TNNT1: variants seen among roughly 807,000 people sequenced by gnomAD.
TNNT1 encodes the protein troponin T1, slow skeletal type.
In TNNT1, 53 loss-of-function variants were observed where a neutral mutation model predicts 50.6. That is an observed-to-expected ratio of 1.05 (90% CI 0.84 to 1.32). The LOEUF (loss-of-function observed/expected upper bound fraction) is 1.32. Among genes scored for constraint, TNNT1 ranks in the 40% most tolerant of loss-of-function variants. The pLI, the probability that TNNT1 is intolerant of heterozygous loss-of-function variation, is 0.00. For synonymous variants in TNNT1, 142 were observed against 138.0 expected, an observed-to-expected ratio of 1.03 and a Z score of -0.20; for missense variants, 348 against 381.7, an observed-to-expected ratio of 0.91 and a Z score of 0.74.
chr19:55,133,971 TGGGGAC>T lies in TNNT1; in HGVS notation c.751-50_751-45del, dbSNP rs778983809. ...GATGCTGGGACAGCCGGTGGGGACG[TGGGGAC>T]GGGCCACCCACCCCTGCCTGGAGTT... On this transcript the variant is annotated intron_variant, in intron 12 of 13. Transcript: ENST00000588981. The T allele has an allele frequency of 3.5e-5, 56 of 1,579,596 alleles. No homozygotes were observed. The African/African-American group carries it at 7.5e-4, about 21-fold the overall frequency.
Position 55,132,738 on chromosome 19 carries a change from A to G in TNNT1, c.*177T>C. On this transcript the variant is annotated 3_prime_UTR_variant, in exon 14 of 14. Transcript: ENST00000588981. ...CCGTACTTTAATGATTATTGGTGAC[A>G]CTCTTTCAAGTAACTTGTTGGTAAT... is the stretch of plus-strand genomic sequence containing the variant. 1 of 659,708 alleles carries G rather than the reference A, an allele frequency of 1.5e-6. No individual in the cohort carries two copies. The highest frequency in any genetic ancestry group is 2.7e-5 in the East Asian group (1 of 36,654). 40.9% of individuals were successfully genotyped at this position (659,708 alleles called of 1,614,324 possible).
intron 6 of TNNT1, chr19:55,145,297 C>T (rs1009717604): frequency 4.7e-5 from 26 of 554,156 alleles, no homozygotes; most frequent in African/African-American, 2.8e-4. Context: ...ACTATGACCA[C>T]GATGAAGAAG....
rs1218131611 is a variant in TNNT1 at position 55,140,927 on chromosome 19, G to GCTGTTGCT, written c.335_342dup (p.Arg115SerfsTer22). 2.5e-6 allele frequency: 4 copies of GCTGTTGCT among 1,613,808 alleles called. No individual in the cohort carries two copies. The African/African-American group carries it at 5.3e-5, about 22-fold the overall frequency. ...TCGCGTTCCTTCTCAGTTCTGAAGC[G>GCTGTTGCT]CTGTTGCTCGGCTCTCTCTGACCGG... On this transcript the variant is annotated frameshift_variant, in exon 9 of 14. Transcript: ENST00000588981. LOFTEE classifies it high-confidence loss of function.
intron 9 of TNNT1, among the ~76,000 whole-genome samples, chr19:55,138,863 G>T (rs1361842539): frequency 6.6e-6 from 1 of 152,172 alleles, no homozygotes; most frequent in Non-Finnish European, 1.5e-5. Flanking sequence ...CTGGAATATT[G>T]AGCGAAGGCA....
chr19:55,134,669 GAAAGA>G (rs2085309612), intron 11 of TNNT1, among the ~76,000 whole-genome samples: 1 of 106,368 alleles, frequency 9.4e-6, no homozygotes, highest in Non-Finnish European at 1.9e-5. Context: ...CAAAAGAAAG[GAAAGA>G]AAAGGAGAAA....
At chr19:55,149,103 G>T (rs2085633129) in intron 1 of TNNT1, 58 bp downstream of exon 1, 1 of 454,618 alleles carries the variant, frequency 2.2e-6, no homozygotes, top group Non-Finnish European at 4.4e-6. Flanking sequence ...CCTGCCTCCT[G>T]CCCCCTCCCC....
intron 13 of TNNT1, 138 bp downstream of exon 13, chr19:55,133,749 G>T: frequency 1.0e-6 from 1 of 953,754 alleles, no homozygotes. Flanking sequence ...AGAGAGAGGA[G>T]GACAGAGAAG....
chr19:55,135,831 A>G (rs1239631135), intron 11 of TNNT1, among the ~76,000 whole-genome samples: 1 of 151,914 alleles, frequency 6.6e-6, no homozygotes, highest in Non-Finnish European at 1.5e-5. Flanking sequence ...GGCCAACAAT[A>G]CTTTACATGA....
chr19:55,145,574 G>C lies in TNNT1; in HGVS notation c.107-9C>G. 6.2e-7 allele frequency: 1 copy of C among 1,613,634 alleles called. No homozygotes were observed. Among genetic ancestry groups the C allele is most frequent in the South Asian group, 1.1e-5 (1 of 91,062 alleles). ...TTTGGGGCGTTCCTCTTCTGTTGGT[G>C]GTGGGGGATAAAAAGAGATAATTAG... On this transcript the variant is annotated splice_polypyrimidine_tract_variant and intron_variant, in intron 5 of 13. Coordinates refer to ENST00000588981, the MANE Select transcript of TNNT1 (RefSeq NM_003283.6).
At chr19:55,135,060 C>T (rs1202046895) in intron 11 of TNNT1, among the ~76,000 whole-genome samples, 1 of 152,074 alleles carries the variant, frequency 6.6e-6, no homozygotes, top group East Asian at 1.9e-4. Flanking sequence ...TTCTCCCTTT[C>T]TTCTAGAAAT....
intron 11 of TNNT1, among the ~76,000 whole-genome samples, chr19:55,135,324 T>G (rs2085328001): frequency 1.3e-5 from 2 of 151,894 alleles, no homozygotes; most frequent in South Asian, 4.2e-4. Context: ...AACATAGGAG[T>G]CTGGTCTCTG....
intron 11 of TNNT1, chr19:55,135,508 G>A (rs1313848479): frequency 3.4e-6 from 1 of 292,036 alleles, no homozygotes; most frequent in African/African-American, 2.5e-5. Flanking sequence ...AGGCTCTAGT[G>A]ATCCTCTCAC....
In TNNT1 at chr19:55,137,200, G is replaced by A. The variant is rs1429564937; in HGVS notation, c.514C>T (p.Arg172Cys). ...TCCCGCCCCGTCTGCCGCTTACCAC[G>A]CTTCTGTTCTGCCTGAGGGTGGGGG... ...GGYLVKAEQK[R>C]GKRQTGREMK... is the part of the protein sequence containing the mutation. Residue 172 changes from arginine (R) to cysteine (C), a missense_variant, in exon 11 of 14, where the codon CGT (arginine) becomes TGT (cysteine). Arg to Cys is a radical substitution (Grantham distance 180, BLOSUM62 -3). Coordinates refer to ENST00000588981, the MANE Select transcript of TNNT1 (RefSeq NM_003283.6). 28 of 1,612,008 alleles carry A rather than the reference G, an allele frequency of 1.7e-5. No homozygotes were observed. Among genetic ancestry groups the A allele is most frequent in the South Asian group, 5.5e-5 (5 of 91,044 alleles).
intron 11 of TNNT1, 84 bp from the exon 12 acceptor site, chr19:55,134,288 C>T (rs1053594676): frequency 1.0e-5 from 14 of 1,342,232 alleles, no homozygotes; most frequent in African/African-American, 7.3e-5. Flanking sequence ...GTGAGTTCAG[C>T]GTTGTCGGCA....
chr19:55,144,541 G>A (rs2085513148), intron 6 of TNNT1, among the ~76,000 whole-genome samples: 2 of 152,112 alleles, frequency 1.3e-5, no homozygotes, highest in Middle Eastern at 3.2e-3. Context: ...CACTGTGCCC[G>A]GCTAATTTTT....
intron 6 of TNNT1, 179 bp downstream of exon 6, chr19:55,145,365 G>T: frequency 1.5e-6 from 1 of 664,452 alleles, no homozygotes. Flanking sequence ...GAGGAGGAGG[G>T]AGGAGGAGGG....
intron 6 of TNNT1, among the ~76,000 whole-genome samples, chr19:55,144,970 G>A (rs781664028): frequency 1.3e-5 from 2 of 152,048 alleles, no homozygotes; most frequent in Non-Finnish European, 1.5e-5. Flanking sequence ...GTAAAGGCGC[G>A]AGGGGAAGAG....
At chr19:55,146,899 C>T in intron 3 of TNNT1, 109 bp downstream of exon 3, 1 of 1,406,830 alleles carries the variant, frequency 7.1e-7, no homozygotes, top group South Asian at 1.4e-5. Context: ...GGCGAGGGCC[C>T]GAGGGCTGAG....
intron 6 of TNNT1, 174 bp downstream of exon 6, chr19:55,145,370 G>A (rs1227882725): frequency 3.0e-6 from 2 of 672,884 alleles, no homozygotes; most frequent in African/African-American, 3.6e-5. Flanking sequence ...GGAGGGAGGA[G>A]GAGGGAGAGG....
Sources: allele counts gnomAD v4.1 joint callset (sites outside exome capture counted in the v4.1 genomes callset), GRCh38; gene constraint gnomAD v4.1.1; transcripts MANE v1.5; gene names NCBI Gene and HGNC (gene_info 2026-07-23, HGNC 2026-07-21).